MED12L: variants seen among roughly 807,000 people sequenced by gnomAD.
The protein encoded by MED12L is mediator of RNA polymerase II transcription subunit 12-like protein.
A neutral mutation model predicts 281.3 loss-of-function variants in MED12L; 60 were observed. That is an observed-to-expected ratio of 0.21 (90% CI 0.17 to 0.26). MED12L has a LOEUF of 0.26. Among genes scored for constraint, MED12L ranks in the 10% least tolerant of loss-of-function variants. The pLI is 1.00. For synonymous variants in MED12L, 974 were observed against 987.2 expected (o/e 0.99, Z 0.25); for missense variants, 2,146 against 2,680.9 (o/e 0.80, Z 4.41).
chr3:151,366,060 G>T, intron 23 of MED12L, 69 bp downstream of exon 23: 1 of 1,287,354 alleles, frequency 7.8e-7, no homozygotes, highest in Non-Finnish European at 1.0e-6. Context: ...TAATCTTTTT[G>T]CTTTTGGCTT....
chr3:151,292,977 T>C (rs1744469798), intron 16 of MED12L, among the ~76,000 whole-genome samples: 1 of 152,202 alleles, frequency 6.6e-6, no homozygotes, highest in Admixed American at 6.5e-5. Context: ...CTGAGGTATA[T>C]ATAAATTCAT....
At chr3:151,117,840 C>T (rs760291689) in intron 3 of MED12L, among the ~76,000 whole-genome samples, 2 of 151,928 alleles carry the variant, frequency 1.3e-5, no homozygotes, top group African/African-American at 2.4e-5. Context: ...CTTGTAATCC[C>T]AGCACTTGGG....
At position 151,158,683 on chromosome 3, in the gene MED12L, T is replaced by C. The variant is rs747652197; in HGVS notation, c.727-6T>C. 6 of 1,587,664 alleles carry C rather than the reference T, an allele frequency of 3.8e-6. No homozygotes were observed. The South Asian group carries it at 5.6e-5, about 15-fold the overall frequency. On this transcript the variant is annotated splice_polypyrimidine_tract_variant and splice_region_variant and intron_variant, in intron 6 of 44. Transcript: ENST00000687756. Reference sequence around the variant, plus strand: ...TATTAATGTAATTTTTCTTTGTTCATTTAAGGAAGGAATGTTAGAAAAACA... The same window carrying C: ...TATTAATGTAATTTTTCTTTGTTCACTTAAGGAAGGAATGTTAGAAAAACA...
At chr3:151,405,949 A>C (rs1716250885) in intron 39 of MED12L, among the ~76,000 whole-genome samples, 1 of 152,262 alleles carries the variant, frequency 6.6e-6, no homozygotes, top group African/African-American at 2.4e-5. Context: ...TTCTTGGTTA[A>C]CAGATAAACT....
chr3:151,283,136 A>G (rs1743031041), intron 16 of MED12L, among the ~76,000 whole-genome samples: 1 of 152,220 alleles, frequency 6.6e-6, no homozygotes, highest in Non-Finnish European at 1.5e-5. Flanking sequence ...GTAGATTGAA[A>G]GAAGTAACAG....
In MED12L at chr3:151,329,087, G is replaced by C. The variant is rs1750047701; in HGVS notation, c.2251-20972G>C. The C allele has an allele frequency of 3.8e-6, 4 of 1,044,574 alleles. No homozygotes were observed. The Admixed American group carries it at 7.5e-5, about 20-fold the overall frequency. The allele number at this position is 1,044,574 out of a possible 1,614,324, so 64.7% of individuals were successfully genotyped here. On this transcript the variant is annotated intron_variant, in intron 16 of 44. Coordinates refer to ENST00000687756, the MANE Select transcript of MED12L (RefSeq NM_001393769.1). ...TTTCAAATGCTATTTTTTAAAAACA[G>C]ACTTTATGTTTATAGCATATTAACA...
intron 18 of MED12L, 55 bp downstream of exon 18, chr3:151,355,294 A>T (rs568538709): frequency 4.8e-5 from 60 of 1,251,110 alleles, no homozygotes; most frequent in African/African-American, 4.5e-4. Context: ...TTACTTAAAA[A>T]TTTTTTTCAT....
intron 20 of MED12L, among the ~76,000 whole-genome samples, chr3:151,358,572 TTTG>T (rs1385901419): frequency 6.7e-5 from 10 of 149,880 alleles, no homozygotes; most frequent in Admixed American, 1.3e-4. Context: ...TTTTTTTGTT[TTTG>T]TTTTTTGTTT....
At chr3:151,390,473 C>T (rs1385628962) in intron 38 of MED12L, among the ~76,000 whole-genome samples, 1 of 152,118 alleles carries the variant, frequency 6.6e-6, no homozygotes, top group East Asian at 1.9e-4. Flanking sequence ...TAAAAGATTA[C>T]ACAATATTGC....
At chr3:151,229,468 G>C (rs967835285) in intron 16 of MED12L, among the ~76,000 whole-genome samples, 60 of 137,528 alleles carry the variant, frequency 4.4e-4, no homozygotes, top group African/African-American at 1.6e-3. Flanking sequence ...CACCATGCCC[G>C]GCTAATTTTT....
In MED12L at chr3:151,378,345, T is replaced by C. The variant is rs528943423; in HGVS notation, c.4478+172T>C. Among the ~76,000 whole-genome samples, 5 of 152,354 alleles carry C rather than the reference T, an allele frequency of 3.3e-5. No individual in the cohort carries two copies. In the South Asian group the frequency reaches 1.0e-3, roughly 32 times the overall value. On this transcript the variant is annotated intron_variant, in intron 31 of 44. Coordinates refer to ENST00000687756, the MANE Select transcript of MED12L (RefSeq NM_001393769.1). ...TGTCTTATTCCTAAAAAATTTCAGG[T>C]TATAATCCTTAATACATTAGTTCTC... is the stretch of plus-strand genomic sequence containing the variant.
intron 11 of MED12L, among the ~76,000 whole-genome samples, chr3:151,182,364 C>T (rs1722808205): frequency 6.6e-6 from 1 of 151,964 alleles, no homozygotes; most frequent in Admixed American, 6.6e-5. Flanking sequence ...CATGATGTTC[C>T]CACCTAAAAT....
intron 16 of MED12L, among the ~76,000 whole-genome samples, chr3:151,340,161 A>ACAAGAT (rs1440599091): frequency 1.3e-5 from 2 of 152,128 alleles, no homozygotes; most frequent in Non-Finnish European, 2.9e-5. Context: ...GTTTTCCAAT[A>ACAAGAT]CAAGATCACT....
chr3:151,214,142 A>G, intron 16 of MED12L: 2 of 1,614,128 alleles, frequency 1.2e-6, no homozygotes, highest in Non-Finnish European at 1.7e-6. Context: ...TTCTTGAGAT[A>G]GATGATGAAA....
intron 16 of MED12L, among the ~76,000 whole-genome samples, chr3:151,349,522 G>T (rs558032989): frequency 1.3e-5 from 2 of 152,224 alleles, no homozygotes; most frequent in Non-Finnish European, 2.9e-5. Flanking sequence ...GTCCTCAAGA[G>T]ATCCTCCCAC....
intron 16 of MED12L, chr3:151,293,983 C>A: frequency 1.7e-6 from 1 of 574,316 alleles, no homozygotes; most frequent in Non-Finnish European, 3.1e-6. Context: ...CTGCCATTCA[C>A]CCATACGCTA....
At chr3:151,329,790 CTTT>C (rs1268080941) in intron 16 of MED12L, among the ~76,000 whole-genome samples, 3 of 152,112 alleles carry the variant, frequency 2.0e-5, no homozygotes, top group Non-Finnish European at 4.4e-5. Context: ...GTTCAGTGAA[CTTT>C]TTGAGTGCCT....
chr3:151,384,160 C>G lies in MED12L; in HGVS notation c.4868C>G (p.Ser1623Cys). Residue 1623 changes from serine to cysteine, a missense_variant, in exon 35 of 45, where the codon TCC (serine) becomes TGC (cysteine). Coordinates refer to ENST00000687756, the MANE Select transcript of MED12L (RefSeq NM_001393769.1). ...TTAGCCTCTGACCTATCAAATGCAT[C>G]CCCTGGGGGATCTGAAGAGAACAAG... ...GTLASDLSNASPGGSEENKRA... is the reference protein window; with the variant it reads ...GTLASDLSNACPGGSEENKRA... 1 of 1,613,950 alleles carries G rather than the reference C, an allele frequency of 6.2e-7. No homozygotes were observed. Among genetic ancestry groups the G allele is most frequent in the Non-Finnish European group, 8.5e-7 (1 of 1,179,896 alleles).
chr3:151,426,816 T>A (rs1718928811), intron 43 of MED12L, among the ~76,000 whole-genome samples: 1 of 80,414 alleles, frequency 1.2e-5, no homozygotes, highest in South Asian at 4.8e-4. Context: ...ATGACATGGT[T>A]TTACTTTTTT....
Sources: allele counts gnomAD v4.1 joint callset (sites outside exome capture counted in the v4.1 genomes callset), GRCh38; gene constraint gnomAD v4.1.1; transcripts MANE v1.5; gene names NCBI Gene and HGNC (gene_info 2026-07-23, HGNC 2026-07-21).